The following MPZL3 variants were observed in gnomAD, a reference collection of about 807,000 sequenced individuals.
MPZL3 encodes myelin protein zero-like protein 3.
MPZL3 carries 23 observed loss-of-function variants against 24.8 expected under a neutral mutation model. The observed-to-expected ratio is 0.93, with a 90% CI of 0.67 to 1.31. MPZL3 has a LOEUF of 1.31. Ranked by LOEUF, MPZL3 falls within the 40% of genes most tolerant of loss-of-function variation. The pLI is 0.00. For synonymous variants in MPZL3, 99 were observed against 106.5 expected (o/e 0.93, Z 0.44); for missense variants, 277 against 294.9 (o/e 0.94, Z 0.44).
chr11:118,239,602 T>C (rs1376579109), intron 2 of MPZL3, among the ~76,000 whole-genome samples: 2 of 152,252 alleles, frequency 1.3e-5, no homozygotes, highest in East Asian at 1.9e-4. Context: ...GTGTTTTATA[T>C]GTGTGACTAA....
Position 118,235,520 on chromosome 11 carries a change from A to C in MPZL3, c.521T>G (p.Val174Gly), listed in dbSNP as rs143795546. The C allele has an allele frequency of 6.2e-7, 1 of 1,613,884 alleles. No individual in the cohort carries two copies. The highest frequency in any genetic ancestry group is 1.3e-5 in the African/African-American group (1 of 74,892). ...CCCCATTCTCACCAGCAGCAGAGCA[A>C]CCACCACGGCTGAGGGCACAAAGAC... ...ILVFVPSAVV[V>G]ALLLVRMGRK... Residue 174 changes from valine to glycine, a missense_variant, in exon 4 of 6, where the codon GTT becomes GGT. Transcript: ENST00000278949.
chr11:118,231,744 TA>T (rs1333283446), intron 5 of MPZL3, among the ~76,000 whole-genome samples: 4 of 152,178 alleles, frequency 2.6e-5, no homozygotes, highest in African/African-American at 9.7e-5. Context: ...TTTTCATATA[TA>T]AATGCAGAAG....
In MPZL3 at chr11:118,229,900, T is replaced by A. The variant is rs756680140; in HGVS notation, c.702A>T (p.Thr234=). The A allele has an allele frequency of 1.7e-5, 27 of 1,613,470 alleles. No individual in the cohort carries two copies. The highest frequency in any genetic ancestry group is 2.1e-5 in the Non-Finnish European group (25 of 1,179,738). The change falls in exon 6 of 6, where the codon ACA becomes ACT. Residue 234 remains threonine (T), a synonymous_variant. Coordinates refer to ENST00000278949, the MANE Select transcript of MPZL3 (RefSeq NM_198275.3). Reference sequence around the variant, plus strand: ...TGTGTCATACAGACTTTCATCAATATGTCTCTTCATAGTCTGAATCCTGGA... The same window carrying A: ...TGTGTCATACAGACTTTCATCAATAAGTCTCTTCATAGTCTGAATCCTGGA... The part of the protein sequence containing the change: ...AECLDSDYEE[T]Y
At chr11:118,242,466 A>G (rs1213438228) in intron 1 of MPZL3, among the ~76,000 whole-genome samples, 1 of 152,224 alleles carries the variant, frequency 6.6e-6, no homozygotes, top group Non-Finnish European at 1.5e-5. Context: ...CTATTGGACT[A>G]CAAAATAAAA....
chr11:118,237,964 C>G (rs9651667), intron 2 of MPZL3, among the ~76,000 whole-genome samples: 32,223 of 151,866 alleles, frequency 0.21, 3,506 homozygotes, highest in Middle Eastern at 0.28. Context: ...TAGTGAAACC[C>G]CATCTCTACT....
intron 1 of MPZL3, among the ~76,000 whole-genome samples, chr11:118,248,169 G>T (rs758207329): frequency 7.4e-6 from 1 of 134,366 alleles, no homozygotes; most frequent in Non-Finnish European, 1.5e-5. Context: ...TCCACCTCCC[G>T]GGTTCAAATG....
intron 2 of MPZL3, among the ~76,000 whole-genome samples, chr11:118,239,802 A>G (rs1949470715): frequency 6.6e-6 from 1 of 152,254 alleles, no homozygotes; most frequent in Non-Finnish European, 1.5e-5. Context: ...ACCCATTGAG[A>G]CAACTTAATA....
intron 1 of MPZL3, among the ~76,000 whole-genome samples, chr11:118,246,969 G>A (rs527513043): frequency 7.7e-6 from 1 of 130,056 alleles, no homozygotes; most frequent in African/African-American, 2.6e-5. Flanking sequence ...GGTCTGAAGG[G>A]CAAAGGGAGG....
rs756551713 is a variant in MPZL3, at chr11:118,252,305, C to T, written c.-11G>A. ...TCCTCTCTGCTGCATCCCGGCAGCT[C>T]TTCAGATGCTTGCACACCTTGTTTA... On this transcript the variant is annotated 5_prime_UTR_variant, in exon 1 of 6. Coordinates refer to ENST00000278949, the MANE Select transcript of MPZL3 (RefSeq NM_198275.3). 6.2e-7 allele frequency: 1 copy of T among 1,613,616 alleles called. No individual in the cohort carries two copies. Among genetic ancestry groups the T allele is most frequent in the Non-Finnish European group, 8.5e-7 (1 of 1,179,696 alleles).
intron 5 of MPZL3, among the ~76,000 whole-genome samples, chr11:118,230,903 G>C (rs1210687050): frequency 2.0e-5 from 3 of 152,056 alleles, no homozygotes; most frequent in Non-Finnish European, 4.4e-5. Flanking sequence ...TCTCCTCTCT[G>C]TCTTGCAGCA....
intron 2 of MPZL3, among the ~76,000 whole-genome samples, chr11:118,237,681 C>T (rs912185137): frequency 3.9e-5 from 6 of 152,134 alleles, no homozygotes; most frequent in Admixed American, 1.3e-4. Flanking sequence ...TTATCTGGCT[C>T]AAAATGTCAA....
At position 118,237,334 on chromosome 11, in the gene MPZL3, A is replaced by T; in HGVS notation, c.241-74T>A. The T allele has an allele frequency of 2.2e-6, 3 of 1,336,376 alleles. No homozygotes were observed. In the Admixed American group the frequency reaches 5.3e-5, roughly 24 times the overall value. The allele number at this position is 1,336,376 out of a possible 1,614,324, so 82.8% of individuals were successfully genotyped here. On this transcript the variant is annotated intron_variant, in intron 2 of 5. Transcript: ENST00000278949. The stretch of plus-strand genomic sequence containing the variant: ...GAAAATATAAAGCTCAGTAGGTCCA[A>T]AATAAAATACAACTGTATAATGGTG...
chr11:118,227,214 C>T lies in MPZL3; in HGVS notation c.*2680G>A, dbSNP rs576834445. 6 of 152,314 alleles carry T rather than the reference C, an allele frequency of 3.9e-5. No individual in the cohort carries two copies. The South Asian group carries it at 8.3e-4, about 21-fold the overall frequency. The allele number at this position is 152,314 out of a possible 1,614,324, so 9.4% of individuals were successfully genotyped here. On this transcript the variant is annotated 3_prime_UTR_variant, in exon 6 of 6. Coordinates refer to ENST00000278949, the MANE Select transcript of MPZL3 (RefSeq NM_198275.3). ...CATAAAACTTAAAGTCATGTAACCA[C>T]ATGTAAAAACTTCAGCAGCTAAAGA...
Position 118,228,166 on chromosome 11 carries a change from A to T in MPZL3, c.*1728T>A, listed in dbSNP as rs1465141900. ...TCGCTCATCTGTGGACTAGGTTAAC[A>T]GAAGAGGCTAGGCCAAATCTATGAT... On this transcript the variant is annotated 3_prime_UTR_variant, in exon 6 of 6. Coordinates refer to ENST00000278949, the MANE Select transcript of MPZL3 (RefSeq NM_198275.3). 1.3e-5 allele frequency: 2 copies of T among 152,186 alleles called. No individual in the cohort carries two copies. Among genetic ancestry groups the T allele is most frequent in the Non-Finnish European group, 1.5e-5 (1 of 68,030 alleles). 9.4% of individuals were successfully genotyped at this position (152,186 alleles called of 1,614,324 possible). A position where few individuals can be genotyped will look rare whatever the true frequency, so the allele number is the denominator to read the frequency against.
chr11:118,236,522 G>A (rs1046710773), intron 3 of MPZL3, among the ~76,000 whole-genome samples: 5 of 151,980 alleles, frequency 3.3e-5, no homozygotes, highest in Non-Finnish European at 5.9e-5. Context: ...CCACTTAATC[G>A]TCATCAGGGA....
chr11:118,229,919 T>A lies in MPZL3; in HGVS notation c.683A>T (p.Asp228Val), dbSNP rs7105729. Reference sequence around the variant, plus strand: ...TCAATATGTCTCTTCATAGTCTGAATCCTGGAGGGAGCAAAACAGCAGGTG... The same window carrying A: ...TCAATATGTCTCTTCATAGTCTGAAACCTGGAGGGAGCAAAACAGCAGGTG... ...RLCVRCAECLDSDYEETY is the reference protein window; with the variant it reads ...RLCVRCAECLVSDYEETY The change falls in exon 6 of 6, where the codon GAT (aspartate) becomes GTT (valine). Residue 228 changes from aspartate to valine, a missense_variant and splice_region_variant. By Grantham distance (152) the Asp-to-Val change is radical (BLOSUM62 -3). Transcript: ENST00000278949. The A allele has an allele frequency of 7.8e-3, 12,650 of 1,613,172 alleles. 811 individuals are homozygous for A. The African/African-American group carries it at 0.14, about 18-fold the overall frequency.
At chr11:118,241,142 G>A (rs1347563912) in intron 1 of MPZL3, among the ~76,000 whole-genome samples, 1 of 152,132 alleles carries the variant, frequency 6.6e-6, no homozygotes, top group South Asian at 2.1e-4. Context: ...TCTGAAAAGG[G>A]CTGGCACTTT....
rs118021516 is a variant in MPZL3, at chr11:118,243,887, C to T, written c.74-3510G>A. Among the ~76,000 whole-genome samples the T allele has an allele frequency of 8.9e-3, 1,354 of 152,286 alleles. 7 individuals are homozygous for T. The highest frequency in any genetic ancestry group is 0.016 in the South Asian group (78 of 4,824). On this transcript the variant is annotated intron_variant, in intron 1 of 5. Transcript: ENST00000278949. ...AATTTTAAAAAATCTTTCTTTAACG[C>T]TGTAATATTACTCTAGTTACCAACT...
chr11:118,245,609 T>A (rs189023656), intron 1 of MPZL3, among the ~76,000 whole-genome samples: 1 of 152,132 alleles, frequency 6.6e-6, no homozygotes, highest in African/African-American at 2.4e-5. Flanking sequence ...ACCCAAGGGA[T>A]AATGTCAAGG....
Sources: allele counts gnomAD v4.1 joint callset (sites outside exome capture counted in the v4.1 genomes callset), GRCh38; gene constraint gnomAD v4.1.1; transcripts MANE v1.5; gene names NCBI Gene and HGNC (gene_info 2026-07-23, HGNC 2026-07-21).